ANO1: variants seen among roughly 807,000 people sequenced by gnomAD.
ANO1 encodes the protein anoctamin 1, also known as anoctamin-1.
ANO1 carries 59 observed loss-of-function variants against 124.0 expected under a neutral mutation model. The observed-to-expected ratio is 0.48, with a 90% CI of 0.39 to 0.59. ANO1 has a LOEUF of 0.59. Among genes scored for constraint, ANO1 ranks in the 20% least tolerant of loss-of-function variants. The pLI, the probability that ANO1 is intolerant of heterozygous loss-of-function variation, is 0.00. For synonymous variants in ANO1, 529 were observed against 532.0 expected, an observed-to-expected ratio of 0.99 and a Z score of 0.08; for missense variants, 1,059 against 1,328.0, an observed-to-expected ratio of 0.80 and a Z score of 3.15.
chr11:70,120,796 G>A (rs992684485), intron 8 of ANO1, among the ~76,000 whole-genome samples: 1 of 152,186 alleles, frequency 6.6e-6, no homozygotes, highest in African/African-American at 2.4e-5. Flanking sequence ...AGAGACGCCT[G>A]AGGGTTGTTG....
At chr11:70,114,058 G>C (rs1477820140) in intron 7 of ANO1, among the ~76,000 whole-genome samples, 1 of 152,206 alleles carries the variant, frequency 6.6e-6, no homozygotes, top group Non-Finnish European at 1.5e-5. Flanking sequence ...CTCATCAGCT[G>C]GATCTATTTA....
intron 4 of ANO1, 41 bp downstream of exon 4, chr11:70,104,191 G>A: frequency 1.9e-6 from 3 of 1,575,356 alleles, no homozygotes; most frequent in Non-Finnish European, 1.7e-6. Flanking sequence ...AGGGTCCTGT[G>A]TGTGGGGATT....
chr11:70,037,945 C>A (rs1857121340), intron 1 of ANO1, among the ~76,000 whole-genome samples: 1 of 152,110 alleles, frequency 6.6e-6, no homozygotes. Context: ...AAGCAGTGAA[C>A]TGCTACTCCT....
At chr11:70,071,691 A>G (rs1857877467) in intron 1 of ANO1, among the ~76,000 whole-genome samples, 2 of 151,984 alleles carry the variant, frequency 1.3e-5, no homozygotes, top group African/African-American at 4.8e-5. Context: ...TGGTGCAATC[A>G]TAGCTCGCTG....
chr11:70,125,713 G>A (rs1301012974), intron 9 of ANO1, among the ~76,000 whole-genome samples: 12 of 143,156 alleles, frequency 8.4e-5, no homozygotes, highest in African/African-American at 2.6e-4. Flanking sequence ...GCGTGGTGGC[G>A]GGCTCCTGTA....
rs868909287 is a variant in ANO1 at position 70,013,745 on chromosome 11, T to G, written c.58+27579T>G. ...CAAACTCGGGAAGCGGAGGTTGCCA[T>G]GAACCGAGATCGCGCCACTGCACTC... On this transcript the variant is annotated intron_variant, in intron 1 of 27. Transcript: ENST00000531349. Among the ~76,000 whole-genome samples the G allele has an allele frequency of 3.9e-4, 58 of 147,692 alleles. No individual in the cohort carries two copies. In the Middle Eastern group the frequency reaches 0.028, roughly 71 times the overall value.
At chr11:70,159,389 A>G (rs2047953859) in intron 16 of ANO1, among the ~76,000 whole-genome samples, 1 of 152,206 alleles carries the variant, frequency 6.6e-6, no homozygotes. Context: ...ACACACTGCC[A>G]TCTCAGCAAG....
At chr11:70,026,684 G>T (rs968159040) in intron 1 of ANO1, among the ~76,000 whole-genome samples, 20 of 152,116 alleles carry the variant, frequency 1.3e-4, no homozygotes, top group African/African-American at 4.8e-4. Flanking sequence ...GTAGTCAGGA[G>T]GTTGCAATGA....
intron 1 of ANO1, among the ~76,000 whole-genome samples, chr11:70,084,837 A>G (rs1373663976): frequency 6.6e-6 from 1 of 152,168 alleles, no homozygotes; most frequent in Non-Finnish European, 1.5e-5. Flanking sequence ...CCTCAGCACC[A>G]GAGACAGAGC....
At chr11:70,042,490 G>GCA (rs1388896628) in intron 1 of ANO1, among the ~76,000 whole-genome samples, 1 of 150,778 alleles carries the variant, frequency 6.6e-6, no homozygotes, top group Non-Finnish European at 1.5e-5. Flanking sequence ...GCGTATGCAC[G>GCA]CACACACACA....
chr11:70,065,963 A>T (rs1314965230), intron 1 of ANO1, among the ~76,000 whole-genome samples: 1 of 152,176 alleles, frequency 6.6e-6, no homozygotes, highest in Non-Finnish European at 1.5e-5. Flanking sequence ...CCTCCACAGC[A>T]GTCATCACCA....
rs1302583850 is a variant in ANO1 at position 70,102,953 on chromosome 11, G to A, written c.442-113G>A. On this transcript the variant is annotated intron_variant, in intron 2 of 25. Transcript: ENST00000355303. ...AACGTGGAATGAGGCCGCGGTAAAAGCAGCCATGCACAGTAGCTGCTCGAT... is the reference window on the plus strand; with the variant it reads ...AACGTGGAATGAGGCCGCGGTAAAAACAGCCATGCACAGTAGCTGCTCGAT... 15 of 695,958 alleles carry A rather than the reference G, an allele frequency of 2.2e-5. No individual in the cohort carries two copies. The East Asian group carries it at 4.2e-4, about 19-fold the overall frequency. The allele number at this position is 695,958 out of a possible 1,614,324, so 43.1% of individuals were successfully genotyped here. A position where few individuals can be genotyped will look rare whatever the true frequency, so the allele number is the denominator to read the frequency against.
intron 1 of ANO1, among the ~76,000 whole-genome samples, chr11:70,013,328 G>C (rs1856634156): frequency 6.6e-6 from 1 of 152,196 alleles, no homozygotes; most frequent in Admixed American, 6.5e-5. Flanking sequence ...TTGATCTTAA[G>C]AGAAGACAAG....
At chr11:70,066,751 C>G (rs77213628) in intron 1 of ANO1, among the ~76,000 whole-genome samples, 2 of 152,078 alleles carry the variant, frequency 1.3e-5, no homozygotes, top group Non-Finnish European at 2.9e-5. Flanking sequence ...GCTCCATCAC[C>G]GTAACTCCAC....
At chr11:70,182,816 G>GAA (rs113563814) in intron 24 of ANO1, 130 bp downstream of exon 24, 78 of 703,290 alleles carry the variant, frequency 1.1e-4, no homozygotes, top group South Asian at 1.7e-4. Context: ...GAAGAAGAAG[G>GAA]AAAAAAAAAA....
chr11:70,114,615 T>A (rs992802841), intron 7 of ANO1, among the ~76,000 whole-genome samples: 1 of 152,186 alleles, frequency 6.6e-6, no homozygotes, highest in Non-Finnish European at 1.5e-5. Flanking sequence ...GAATATCTGG[T>A]CGGTTGGGCA....
At chr11:70,012,403 C>T (rs1856612580) in intron 1 of ANO1, among the ~76,000 whole-genome samples, 1 of 150,972 alleles carries the variant, frequency 6.6e-6, no homozygotes, top group African/African-American at 2.4e-5. Flanking sequence ...TTCATCCATT[C>T]ATCCATCCAT....
intron 1 of ANO1, among the ~76,000 whole-genome samples, chr11:70,048,798 T>C (rs560463807): frequency 6.6e-6 from 1 of 151,238 alleles, no homozygotes; most frequent in South Asian, 2.1e-4. Flanking sequence ...CCTCTCCACA[T>C]TGGTGATTGG....
upstream of ANO1, among the ~76,000 whole-genome samples, chr11:69,982,529 A>G (rs1855968268): frequency 6.6e-6 from 1 of 152,204 alleles, no homozygotes; most frequent in Non-Finnish European, 1.5e-5. Flanking sequence ...GCAAATAATA[A>G]TGCCCTCTAA....
Sources: allele counts gnomAD v4.1 joint callset (sites outside exome capture counted in the v4.1 genomes callset), GRCh38; gene constraint gnomAD v4.1.1; transcripts MANE v1.5; gene names NCBI Gene and HGNC (gene_info 2026-07-23, HGNC 2026-07-21).